Variants in FRMD4A observed in about 807,000 individuals in gnomAD.
FRMD4A encodes the protein FERM domain containing 4A, also known as FERM domain-containing protein 4A.
In FRMD4A, 29 loss-of-function variants were observed where a neutral mutation model predicts 129.1. The ratio of observed to expected loss-of-function variants is 0.22; its 90% confidence interval spans 0.17 to 0.31. FRMD4A has a LOEUF of 0.31. FRMD4A is among the 10% of genes least tolerant of loss of function. FRMD4A has a pLI of 1.00. For missense variants in FRMD4A, 1,272 were observed against 1,375.8 expected, an observed-to-expected ratio of 0.92 and a Z score of 1.19; for synonymous variants, 634 against 571.6, an observed-to-expected ratio of 1.11 and a Z score of -1.56.
rs1360092825 is a variant in FRMD4A, at chr10:13,666,208, T to C, written c.1492A>G (p.Thr498Ala). ...TTCTTCAGTGCATTCAGATACGAGG[T>C]TTTCCTTTGTTTCTTCAGTTTTTTG... ...VSKKLKKQRK[T>A]SYLNALKKLQ... The change falls in exon 18 of 25, where the codon ACC (threonine) becomes GCC (alanine). Residue 498 changes from threonine to alanine, a missense_variant. Physicochemically the swap from Thr to Ala is moderately conservative, Grantham distance 58. Transcript: ENST00000357447. 1.2e-6 allele frequency: 2 copies of C among 1,613,534 alleles called. No individual in the cohort carries two copies. Among genetic ancestry groups the C allele is most frequent in the South Asian group, 2.2e-5 (2 of 91,070 alleles).
chr10:14,260,638 A>G (rs1259828309), intron 2 of FRMD4A, among the ~76,000 whole-genome samples: 1 of 152,180 alleles, frequency 6.6e-6, no homozygotes, highest in East Asian at 1.9e-4. Flanking sequence ...GATCTTCACC[A>G]CTTCAAATTG....
At chr10:14,330,293 C>A (rs1205569440) in intron 1 of FRMD4A, 110 bp from the exon 2 acceptor site, 6 of 574,610 alleles carry the variant, frequency 1.0e-5, no homozygotes, top group African/African-American at 7.8e-5. Flanking sequence ...AGGGTGGGAA[C>A]TGTGCTTAGG....
At position 13,821,118 on chromosome 10, in the gene FRMD4A, G is replaced by A. The variant is rs75021753; in HGVS notation, c.112-10210C>T. On this transcript the variant is annotated intron_variant, in intron 3 of 24. Transcript: ENST00000357447. This position sits in a 1 kb window ranked among gnomAD's most constrained non-coding sequence, Gnocchi z 4.3. ...GGCTCAGCGGCTGCTCATTATTCCC[G>A]GGGAGGGGAAGCTGCTGCGGGGGGT... Among the ~76,000 whole-genome samples, 121 of 152,264 alleles carry A rather than the reference G, an allele frequency of 7.9e-4. 1 individual carries two copies. The highest frequency in any genetic ancestry group is 2.6e-3 in the African/African-American group (107 of 41,546).
chr10:13,695,922 C>A (rs2086185183), intron 14 of FRMD4A, among the ~76,000 whole-genome samples: 1 of 152,258 alleles, frequency 6.6e-6, no homozygotes, highest in Admixed American at 6.5e-5. Flanking sequence ...GCTGTCCACA[C>A]TGGCAAGGAC....
Position 13,657,199 on chromosome 10 carries a change from C to A in FRMD4A, c.2390G>T (p.Ser797Ile). The change falls in exon 22 of 25, where the codon AGC becomes ATC. Residue 797 changes from serine (S) to isoleucine (I), a missense_variant. Physicochemically the swap from Ser to Ile is moderately radical, Grantham distance 142. Transcript: ENST00000357447. The part of the protein sequence containing the change: ...QRAAGALGSA[S>I]SGSMPNLAAR... ...CGCCAGGTTGGGCATGCTGCCCGAGCTGGCTGAGCCCAGTGCGCCCGCCGC... is the reference window on the plus strand; with the variant it reads ...CGCCAGGTTGGGCATGCTGCCCGAGATGGCTGAGCCCAGTGCGCCCGCCGC... 1 of 1,528,130 alleles carries A rather than the reference C, an allele frequency of 6.5e-7. No homozygotes were observed. The highest frequency in any genetic ancestry group is 1.4e-5 in the African/African-American group (1 of 72,162). The allele number at this position is 1,528,130 out of a possible 1,614,324, so 94.7% of individuals were successfully genotyped here. A position where few individuals can be genotyped will look rare whatever the true frequency, so the allele number is the denominator to read the frequency against.
chr10:13,971,852 G>T (rs1412297367), intron 2 of FRMD4A: 32 of 1,300,856 alleles, frequency 2.5e-5, no homozygotes, highest in Non-Finnish European at 2.9e-5. Context: ...CACATCCAGG[G>T]CTGTGTTCTT....
At chr10:13,925,374 A>C (rs1049025168) in intron 2 of FRMD4A, among the ~76,000 whole-genome samples, 4 of 152,106 alleles carry the variant, frequency 2.6e-5, no homozygotes, top group Admixed American at 2.6e-4. Flanking sequence ...TTTTGTGTAC[A>C]AAAATTTAAC....
intron 2 of FRMD4A, among the ~76,000 whole-genome samples, chr10:14,091,406 A>G (rs1433934360): frequency 6.6e-6 from 1 of 151,992 alleles, no homozygotes; most frequent in Admixed American, 6.6e-5. Context: ...CTGAACTGAC[A>G]TTTCCATTCT....
intron 23 of FRMD4A, chr10:13,654,130 T>C (rs74121373): frequency 0.025 from 13,054 of 530,618 alleles, 775 homozygotes; most frequent in African/African-American, 0.15. Context: ...TGTCTGGAAA[T>C]CTTACCAAAG....
At chr10:14,112,581 A>G (rs1589001043) in intron 2 of FRMD4A, among the ~76,000 whole-genome samples, 7 of 152,182 alleles carry the variant, frequency 4.6e-5, no homozygotes, top group Admixed American at 4.6e-4. Context: ...GCTGGACTGT[A>G]GTGGCGCCAT....
intron 2 of FRMD4A, among the ~76,000 whole-genome samples, chr10:14,065,074 G>T (rs1011448964): frequency 6.6e-6 from 1 of 152,172 alleles, no homozygotes; most frequent in Non-Finnish European, 1.5e-5. Context: ...AATCCATGTT[G>T]TGGGCTCGTG....
chr10:13,751,400 C>A (rs115022400), intron 8 of FRMD4A, among the ~76,000 whole-genome samples: 1 of 152,196 alleles, frequency 6.6e-6, no homozygotes, highest in African/African-American at 2.4e-5. Context: ...CATCCTTCCC[C>A]GAGGACAAAT....
rs113712668 is a variant in FRMD4A at position 13,697,733 on chromosome 10, G to GA, written c.975+3606dup. On this transcript the variant is annotated intron_variant, in intron 14 of 24. Coordinates refer to ENST00000357447, the MANE Select transcript of FRMD4A (RefSeq NM_018027.5). ...AAAATGGTGAACTGCATCAGGGAGA[G>GA]AAAAAAAAAGATTAGGAAGAAGGAA... Among the ~76,000 whole-genome samples, 509 of 151,138 alleles carry GA rather than the reference G, an allele frequency of 3.4e-3. 3 individuals are homozygous for GA. Among genetic ancestry groups the GA allele is most frequent in the African/African-American group, 0.011 (451 of 41,256 alleles).
intron 3 of FRMD4A, among the ~76,000 whole-genome samples, chr10:13,811,942 G>A (rs1215812709): frequency 6.8e-6 from 1 of 146,474 alleles, no homozygotes; most frequent in Non-Finnish European, 1.5e-5. Flanking sequence ...GTGTGCAGTA[G>A]TGCGATCTTG....
intron 2 of FRMD4A, among the ~76,000 whole-genome samples, chr10:13,887,674 C>CAAAA (rs2094640451): frequency 6.6e-6 from 1 of 151,930 alleles, no homozygotes; most frequent in Non-Finnish European, 1.5e-5. Context: ...CAAAACAAAA[C>CAAAA]CAAAACAAAA....
intron 6 of FRMD4A, among the ~76,000 whole-genome samples, chr10:13,770,223 T>C (rs1029545022): frequency 6.6e-6 from 1 of 152,166 alleles, no homozygotes; most frequent in Non-Finnish European, 1.5e-5. Context: ...TGATGCGATC[T>C]CGCACAATTC....
Position 13,964,943 on chromosome 10 carries a change from C to T in FRMD4A, c.46-106031G>A, listed in dbSNP as rs951770257. Among the ~76,000 whole-genome samples, 4 of 152,106 alleles carry T rather than the reference C, an allele frequency of 2.6e-5. No homozygotes were observed. In the South Asian group the frequency reaches 8.3e-4, roughly 31 times the overall value. Reference sequence around the variant, plus strand: ...TCATGACCTGCCCGCCTCTGCCTCCCAAAGTGCTGGGATTACAGGCGTGAG... The same window carrying T: ...TCATGACCTGCCCGCCTCTGCCTCCTAAAGTGCTGGGATTACAGGCGTGAG... On this transcript the variant is annotated intron_variant, in intron 2 of 24. Coordinates refer to ENST00000357447, the MANE Select transcript of FRMD4A (RefSeq NM_018027.5).
chr10:13,741,249 A>C (rs1198794914), intron 9 of FRMD4A, among the ~76,000 whole-genome samples: 1 of 151,892 alleles, frequency 6.6e-6, no homozygotes, highest in East Asian at 2.0e-4. Context: ...CAGGAGTTTG[A>C]GACCAGCCTG....
chr10:13,744,432 C>T (rs1313716921), intron 9 of FRMD4A: 1 of 152,212 alleles, frequency 6.6e-6, no homozygotes, highest in African/African-American at 2.4e-5. Context: ...TGCACCATAA[C>T]TCAGCATTAT....
Sources: gnomAD v4.1 joint callset for allele counts (sites outside exome capture counted in the v4.1 genomes callset) on GRCh38, gnomAD v4.1.1 for gene constraint, Gnocchi (gnomAD v3.1) non-coding constraint, MANE v1.5 for transcripts, NCBI Gene and HGNC (gene_info 2026-07-23, HGNC 2026-07-21) for gene names.